CAMSAP2: variants seen among roughly 807,000 people sequenced by gnomAD.
CAMSAP2 encodes the protein calmodulin-regulated spectrin-associated protein 2.
CAMSAP2 carries 26 observed loss-of-function variants against 146.1 expected under a neutral mutation model. The ratio of observed to expected loss-of-function variants is 0.18; its 90% CI spans 0.13 to 0.25. The LOEUF is 0.25. CAMSAP2 is among the 10% of genes least tolerant of loss of function. CAMSAP2 has a pLI of 1.00. For missense variants in CAMSAP2, 1,381 were observed against 1,759.3 expected (o/e 0.78, Z 3.85); for synonymous variants, 499 against 596.6 (o/e 0.84, Z 2.38).
At chr1:200,855,361 T>A (rs1667723553) in intron 14 of CAMSAP2, among the ~76,000 whole-genome samples, 1 of 150,398 alleles carries the variant, frequency 6.6e-6, no homozygotes, top group African/African-American at 2.4e-5. Context: ...GATTAGAAGC[T>A]AAAAGTCAGT....
chr1:200,821,057 A>T (rs1169823853), intron 4 of CAMSAP2, among the ~76,000 whole-genome samples: 1 of 152,054 alleles, frequency 6.6e-6, no homozygotes, highest in East Asian at 1.9e-4. Context: ...CTTTTATACC[A>T]TTATTTTAGT....
intron 8 of CAMSAP2, among the ~76,000 whole-genome samples, chr1:200,846,202 G>A (rs1046438954): frequency 6.6e-6 from 1 of 152,204 alleles, no homozygotes; most frequent in South Asian, 2.1e-4. Flanking sequence ...TGGGTCAATA[G>A]TGACATTTCC....
intron 2 of CAMSAP2, among the ~76,000 whole-genome samples, chr1:200,801,670 T>A (rs1362508301): frequency 6.6e-6 from 1 of 152,204 alleles, no homozygotes; most frequent in Non-Finnish European, 1.5e-5. Context: ...TCATGCTTTA[T>A]TTTATTAAGT....
chr1:200,850,097 G>A lies in CAMSAP2; in HGVS notation c.3328G>A (p.Val1110Ile). 9 of 1,614,050 alleles carry A rather than the reference G, an allele frequency of 5.6e-6. No individual in the cohort carries two copies. Among genetic ancestry groups the A allele is most frequent in the Non-Finnish European group, 7.6e-6 (9 of 1,179,992 alleles). ...TTTCCCACCCACTGCTCCAAAAAAT[G>A]TTAATCTGATTGAAGTTTCCCTCTC... ...PVFPPTAPKN[V>I]NLIEVSLSDL... Residue 1110 changes from valine to isoleucine, a missense_variant, in exon 11 of 17, where the codon GTT becomes ATT. Physicochemically the swap from Val to Ile is conservative, Grantham distance 29. This residue lies in a region of CAMSAP2 where 560 missense variants were observed against 715.9 expected (regional missense o/e 0.78). Coordinates refer to ENST00000358823, the MANE Select transcript of CAMSAP2 (RefSeq NM_203459.4).
At chr1:200,799,689 C>T (rs1187239211) in intron 2 of CAMSAP2, among the ~76,000 whole-genome samples, 7 of 152,002 alleles carry the variant, frequency 4.6e-5, no homozygotes, top group African/African-American at 1.7e-4. Context: ...CTGCTCTGAT[C>T]GTAGTTATTT....
At chr1:200,800,070 G>T (rs1293606486) in intron 2 of CAMSAP2, among the ~76,000 whole-genome samples, 1 of 152,150 alleles carries the variant, frequency 6.6e-6, no homozygotes, top group East Asian at 1.9e-4. Context: ...CATTTGCTGA[G>T]GAGTGTTTTA....
chr1:200,854,902 C>T lies in CAMSAP2; in HGVS notation c.3896+13C>T, dbSNP rs959082118. The T allele has an allele frequency of 2.7e-5, 42 of 1,581,940 alleles. No individual in the cohort carries two copies. The highest frequency in any genetic ancestry group is 4.5e-5 in the East Asian group (2 of 44,562). On this transcript the variant is annotated intron_variant, in intron 14 of 16. Coordinates refer to ENST00000358823, the MANE Select transcript of CAMSAP2 (RefSeq NM_203459.4). ...AGAGGACGCCAAGGTAAATCTATAA[C>T]GTATGAATATTTTTACAGAAAAGAA...
chr1:200,847,933 G>T, intron 10 of CAMSAP2, 99 bp from the exon 11 acceptor site: 1 of 923,582 alleles, frequency 1.1e-6, no homozygotes, highest in East Asian at 2.6e-5. Context: ...TGAGAACTGG[G>T]GAAAGAAAGG....
chr1:200,817,252 GTGTGTGTATATACA>G (rs1666622455), intron 4 of CAMSAP2, among the ~76,000 whole-genome samples: 1 of 9,278 alleles, frequency 1.1e-4, no homozygotes, highest in Non-Finnish European at 1.8e-4. Context: ...ACACACATAT[GTGTGTGTATATACA>G]CACATATATA....
At chr1:200,783,971 T>G (rs1665514012) in intron 2 of CAMSAP2, among the ~76,000 whole-genome samples, 1 of 152,206 alleles carries the variant, frequency 6.6e-6, no homozygotes, top group African/African-American at 2.4e-5. Flanking sequence ...TTTAGCTTTT[T>G]CATTTAGAAC....
At chr1:200,782,200 C>A (rs181834871) in intron 2 of CAMSAP2, among the ~76,000 whole-genome samples, 9 of 152,110 alleles carry the variant, frequency 5.9e-5, no homozygotes, top group Admixed American at 2.0e-4. Context: ...CATTTGATGC[C>A]GTGTGTGGTA....
chr1:200,832,630 T>C lies in CAMSAP2; in HGVS notation c.788-76T>C. The stretch of plus-strand genomic sequence containing the variant: ...GTTAACCAGAATTGTGTATTTGTAC[T>C]AATTACAAGATGGATATGAAATATT... On this transcript the variant is annotated intron_variant, in intron 5 of 16. Transcript: ENST00000358823. This position sits in a 1 kb window ranked among gnomAD's most constrained non-coding sequence, Gnocchi z 4.2. 8.2e-7 allele frequency: 1 copy of C among 1,216,562 alleles called. No homozygotes were observed. The highest frequency in any genetic ancestry group is 1.1e-6 in the Non-Finnish European group (1 of 881,116). 75.4% of individuals were successfully genotyped at this position (1,216,562 alleles called of 1,614,324 possible). A position where few individuals can be genotyped will look rare whatever the true frequency, so the allele number is the denominator to read the frequency against.
intron 3 of CAMSAP2, among the ~76,000 whole-genome samples, chr1:200,810,469 G>A (rs1408718935): frequency 6.6e-6 from 1 of 151,940 alleles, no homozygotes; most frequent in Non-Finnish European, 1.5e-5. Flanking sequence ...CCAGCTACTT[G>A]GGAGGCTGAG....
At position 200,750,928 on chromosome 1, in the gene CAMSAP2, G is replaced by T. The variant is rs529050747; in HGVS notation, c.140-9911G>T. On this transcript the variant is annotated intron_variant, in intron 1 of 16. Coordinates refer to ENST00000358823, the MANE Select transcript of CAMSAP2 (RefSeq NM_203459.4). The stretch of plus-strand genomic sequence containing the variant: ...TTTTTTTTTTTTTTTTTTGAGACAG[G>T]AGTTTTGCTTTGTCACCAGGCTGGA... 3.9e-4 allele frequency among the ~76,000 whole-genome samples: 55 copies of T among 140,770 alleles called. 1 individual carries two copies. The Middle Eastern group carries it at 0.012, about 30-fold the overall frequency. The allele number at this position is 140,770 out of a possible 152,430, so 92.4% of individuals were successfully genotyped here.
chr1:200,854,924 A>G (rs1184766920), intron 14 of CAMSAP2, 35 bp downstream of exon 14: 2 of 1,435,360 alleles, frequency 1.4e-6, no homozygotes, highest in African/African-American at 2.8e-5. Context: ...TTTACAGAAA[A>G]GAATATAGTA....
At chr1:200,811,573 T>A (rs1034479354) in intron 3 of CAMSAP2, among the ~76,000 whole-genome samples, 1 of 152,200 alleles carries the variant, frequency 6.6e-6, no homozygotes, top group African/African-American at 2.4e-5. Flanking sequence ...TTGCTTCTAC[T>A]TGCTCTTGGT....
intron 1 of CAMSAP2, among the ~76,000 whole-genome samples, chr1:200,753,298 CAAAAA>C (rs35626597): frequency 9.9e-6 from 1 of 101,372 alleles, no homozygotes. Context: ...AACTCCATCT[CAAAAA>C]AAAAAAAAAA....
chr1:200,765,980 G>C (rs1664938488), intron 2 of CAMSAP2, among the ~76,000 whole-genome samples: 1 of 152,160 alleles, frequency 6.6e-6, no homozygotes, highest in Non-Finnish European at 1.5e-5. Flanking sequence ...TTAACTTTCT[G>C]TGGGTTACAG....
At chr1:200,754,119 A>AT (rs1195078421) in intron 1 of CAMSAP2, among the ~76,000 whole-genome samples, 1 of 152,126 alleles carries the variant, frequency 6.6e-6, no homozygotes, top group Non-Finnish European at 1.5e-5. Context: ...CATTATGTTG[A>AT]TTTTTTTCCT....
Sources: gnomAD v4.1 joint callset for allele counts (sites outside exome capture counted in the v4.1 genomes callset) on GRCh38, gnomAD v4.1.1 for gene constraint, gnomAD v4.1.1 regional missense constraint, Gnocchi (gnomAD v3.1) non-coding constraint, MANE v1.5 for transcripts, NCBI Gene and HGNC (gene_info 2026-07-23, HGNC 2026-07-21) for gene names.